Variants in GPC6 observed in about 807,000 individuals in gnomAD.
GPC6 encodes the protein glypican 6, also known as glypican-6.
In GPC6, 14 loss-of-function variants were observed where a neutral mutation model predicts 55.2. That is an observed-to-expected ratio of 0.25 (90% CI 0.17 to 0.40). The LOEUF (loss-of-function observed/expected upper bound fraction) is 0.40. GPC6 is among the 10% of genes least tolerant of loss of function. The pLI is 1.00. For missense variants in GPC6, 641 were observed against 708.5 expected (o/e 0.90, Z 1.08); for synonymous variants, 278 against 259.6 (o/e 1.07, Z -0.68).
chr13:93,844,218 A>C (rs1259943083), intron 3 of GPC6, among the ~76,000 whole-genome samples: 1 of 152,084 alleles, frequency 6.6e-6, no homozygotes, highest in Non-Finnish European at 1.5e-5. Flanking sequence ...AGCTCACTGC[A>C]AACTTCACTT....
intron 1 of GPC6, among the ~76,000 whole-genome samples, chr13:93,536,099 G>T (rs949234085): frequency 6.6e-6 from 1 of 152,112 alleles, no homozygotes; most frequent in Non-Finnish European, 1.5e-5. Flanking sequence ...CACGGGACTA[G>T]CATCCCAGAT....
rs562542625 is a variant in GPC6 at position 94,126,648 on chromosome 13, G to A, written c.877+98754G>A. Among the ~76,000 whole-genome samples the A allele has an allele frequency of 2.7e-3, 408 of 152,150 alleles. 1 individual carries two copies. Among genetic ancestry groups the A allele is most frequent in the Middle Eastern group, 3.4e-3 (1 of 294 alleles). On this transcript the variant is annotated intron_variant, in intron 4 of 8. Transcript: ENST00000377047. ...TCAATTAATAGAAGGGTAAAAATAG[G>A]AGGAGAAATAAGTAACAGGGGTAAT...
intron 2 of GPC6, chr13:93,818,650 G>C (rs1566550688): frequency 6.6e-6 from 1 of 152,230 alleles, no homozygotes; most frequent in Non-Finnish European, 1.5e-5. Context: ...TGATAAATGG[G>C]AAAGAAATGG....
At chr13:94,005,290 G>A (rs1440318654) in intron 3 of GPC6, among the ~76,000 whole-genome samples, 1 of 152,110 alleles carries the variant, frequency 6.6e-6, no homozygotes, top group Non-Finnish European at 1.5e-5. Context: ...CAGTTTGTTT[G>A]GATTTTATTA....
intron 1 of GPC6, among the ~76,000 whole-genome samples, chr13:93,294,410 A>T (rs1005225909): frequency 9.9e-5 from 15 of 152,264 alleles, no homozygotes; most frequent in Admixed American, 5.9e-4. Flanking sequence ...AATGATTCCA[A>T]ATTTCCTAAT....
intron 2 of GPC6, among the ~76,000 whole-genome samples, chr13:93,793,482 C>CT (rs71203704): frequency 0.33 from 50,016 of 151,684 alleles, 8,648 homozygotes; most frequent in African/African-American, 0.43. Flanking sequence ...TCACTTTTGA[C>CT]TTTTTTTTGG....
chr13:93,429,029 C>G (rs1273002733), intron 1 of GPC6, among the ~76,000 whole-genome samples: 1 of 152,068 alleles, frequency 6.6e-6, no homozygotes, highest in Non-Finnish European at 1.5e-5. Flanking sequence ...CAGAATTCTT[C>G]ATTAAACCTG....
intron 1 of GPC6, among the ~76,000 whole-genome samples, chr13:93,426,434 T>C (rs1237849441): frequency 7.1e-6 from 1 of 140,192 alleles, no homozygotes; most frequent in Non-Finnish European, 1.5e-5. Context: ...CCCCTTCCTG[T>C]GTCCATGTGT....
At chr13:94,240,415 G>A (rs905414571) in intron 4 of GPC6, among the ~76,000 whole-genome samples, 8 of 152,028 alleles carry the variant, frequency 5.3e-5, no homozygotes, top group African/African-American at 1.4e-4. Context: ...GGGCCTCCTT[G>A]TCTCCTTCTG....
At chr13:93,422,573 TC>T (rs1395057845) in intron 1 of GPC6, among the ~76,000 whole-genome samples, 2 of 152,198 alleles carry the variant, frequency 1.3e-5, no homozygotes, top group Non-Finnish European at 2.9e-5. Context: ...TTCCTTTCAG[TC>T]TTTTTTCTTT....
intron 4 of GPC6, among the ~76,000 whole-genome samples, chr13:94,142,848 G>A (rs61962336): frequency 0.19 from 27,438 of 147,046 alleles, 2,806 homozygotes; most frequent in Non-Finnish European, 0.23. Context: ...TTTTCTTTTT[G>A]AGACTGAGGC....
intron 4 of GPC6, among the ~76,000 whole-genome samples, chr13:94,275,542 A>G (rs113364656): frequency 8.3e-4 from 127 of 152,308 alleles, no homozygotes; most frequent in African/African-American, 1.8e-3. Context: ...TGTGTTAAGT[A>G]TGCACAAGAC....
At chr13:93,838,877 T>C (rs1009466877) in intron 3 of GPC6, among the ~76,000 whole-genome samples, 1 of 152,128 alleles carries the variant, frequency 6.6e-6, no homozygotes, top group Non-Finnish European at 1.5e-5. Flanking sequence ...CTGACTGATT[T>C]GAATATCACC....
chr13:94,336,551 C>T (rs969875826), intron 6 of GPC6, among the ~76,000 whole-genome samples: 6 of 152,096 alleles, frequency 3.9e-5, no homozygotes, highest in Admixed American at 3.3e-4. Flanking sequence ...AATATCTGCA[C>T]GTCGGTAGCG....
At position 93,646,195 on chromosome 13, in the gene GPC6, A is replaced by G. The variant is rs1048344405; in HGVS notation, c.319+100774A>G. Reference sequence around the variant, plus strand: ...ATATCAAATAATATGACCAAATAAAATAACTTGTGAATTTCCTAAACATAA... The same window carrying G: ...ATATCAAATAATATGACCAAATAAAGTAACTTGTGAATTTCCTAAACATAA... On this transcript the variant is annotated intron_variant, in intron 2 of 8. Transcript: ENST00000377047. Among the ~76,000 whole-genome samples the G allele has an allele frequency of 8.5e-5, 13 of 152,292 alleles. No homozygotes were observed. In the East Asian group the frequency reaches 2.5e-3, roughly 29 times the overall value.
chr13:93,290,448 C>T (rs1046830855), intron 1 of GPC6, among the ~76,000 whole-genome samples: 26 of 152,162 alleles, frequency 1.7e-4, no homozygotes, highest in African/African-American at 4.3e-4. Flanking sequence ...GACAATAAAA[C>T]GAGTAAATTG....
chr13:93,547,193 AAAAT>A (rs1441682534), intron 2 of GPC6, among the ~76,000 whole-genome samples: 1,093 of 69,774 alleles, frequency 0.016, 9 homozygotes, highest in African/African-American at 0.02. Context: ...AAAAAAAAAA[AAAAT>A]TAGCTGGGCG....
At chr13:93,802,226 A>G (rs566517122) in intron 2 of GPC6, among the ~76,000 whole-genome samples, 1 of 152,076 alleles carries the variant, frequency 6.6e-6, no homozygotes, top group Admixed American at 6.6e-5. Context: ...GTTCCAAAAT[A>G]TGGCAATTTT....
chr13:93,660,000 A>G (rs1880855713), intron 2 of GPC6, among the ~76,000 whole-genome samples: 1 of 152,084 alleles, frequency 6.6e-6, no homozygotes, highest in African/African-American at 2.4e-5. Flanking sequence ...CTTTCATTGT[A>G]TGTTAGAAAC....
Sources: allele counts gnomAD v4.1 joint callset (sites outside exome capture counted in the v4.1 genomes callset), GRCh38; gene constraint gnomAD v4.1.1; transcripts MANE v1.5; gene names NCBI Gene and HGNC (gene_info 2026-07-23, HGNC 2026-07-21).